The following SLC1A5 variants were observed in gnomAD, a reference collection of about 807,000 sequenced individuals.
The protein encoded by SLC1A5 is solute carrier family 1 member 5.
A neutral mutation model predicts 34.9 loss-of-function variants in SLC1A5; 25 were observed. That is an observed-to-expected ratio of 0.72 (90% CI 0.52 to 1.00). The LOEUF (loss-of-function observed/expected upper bound fraction) is 1.00, where lower values mean the gene tolerates loss of function less well. SLC1A5 is among the 50% of genes least tolerant of loss of function. SLC1A5 has a pLI of 0.00. For synonymous variants in SLC1A5, 351 were observed against 341.2 expected (o/e 1.03, Z -0.32); for missense variants, 637 against 740.0 (o/e 0.86, Z 1.61).
rs781464328 is a variant in SLC1A5 at position 46,775,753 on chromosome 19, G to A, written c.1389-6C>T. On this transcript the variant is annotated splice_region_variant and splice_polypyrimidine_tract_variant and intron_variant, in intron 7 of 7. Transcript: ENST00000542575. ...GGACGGTACAGGACCGGTCGCTAAAGGGGTAGAAATGACAGCAAAGTAAGC... is the reference window on the plus strand; with the variant it reads ...GGACGGTACAGGACCGGTCGCTAAAAGGGTAGAAATGACAGCAAAGTAAGC... 5 of 1,610,746 alleles carry A rather than the reference G, an allele frequency of 3.1e-6. No homozygotes were observed. The highest frequency in any genetic ancestry group is 2.2e-5 in the East Asian group (1 of 44,766).
chr19:46,782,346 A>AACCCCCCCCCCCCCCACCCC, intron 4 of SLC1A5, 37 bp downstream of exon 4: 3 of 567,984 alleles, frequency 5.3e-6, no homozygotes, highest in South Asian at 1.8e-5. Flanking sequence ...CGACCCTCCA[A>AACCCCCCCCCCCCCCACCCC]CCCCACCCAC....
In SLC1A5 at chr19:46,775,673, C is replaced by T. The variant is rs1291182407; in HGVS notation, c.1463G>A (p.Arg488His). 25 of 1,614,090 alleles carry T rather than the reference C, an allele frequency of 1.5e-5. No individual in the cohort carries two copies. The highest frequency in any genetic ancestry group is 2.2e-5 in the East Asian group (1 of 44,876). Residue 488 changes from arginine (R) to histidine (H), a missense_variant, in exon 8 of 8, where the codon CGT becomes CAT. By Grantham distance (29) the Arg-to-His change is conservative (BLOSUM62 0). Transcript: ENST00000542575. ...AGGCTCTGTGCTTCTCGACTCCGTA[C>T]GGTCCACGTAATTTTGGAGGAGTCC... ...GAGLLQNYVD[R>H]TESRSTEPEL...
At chr19:46,782,342 T>TCCCACCCCCCCCCCCCCCCCCCCCC in intron 4 of SLC1A5, 41 bp downstream of exon 4, 44 of 523,348 alleles carry the variant, frequency 8.4e-5, no homozygotes, top group Middle Eastern at 5.6e-4. Context: ...AGACCGACCC[T>TCCCACCCCCCCCCCCCCCCCCCCCC]CCAACCCCAC....
At chr19:46,776,943 G>A (rs760621548) in intron 7 of SLC1A5, 32 bp downstream of exon 7, 57 of 1,604,390 alleles carry the variant, frequency 3.6e-5, no homozygotes, top group Non-Finnish European at 4.6e-5. Context: ...GGGTACCCCT[G>A]GCCCTGCCCC....
intron 4 of SLC1A5, among the ~76,000 whole-genome samples, chr19:46,779,857 CTT>C (rs375206839): frequency 9.1e-5 from 13 of 143,320 alleles, no homozygotes; most frequent in Admixed American, 1.4e-4. Flanking sequence ...ACATGTCTCT[CTT>C]TTTTTTTTTT....
At position 46,784,505 on chromosome 19, in the gene SLC1A5, C is replaced by G. The variant is rs1484509181; in HGVS notation, c.609+12G>C. 1 of 1,614,080 alleles carries G rather than the reference C, an allele frequency of 6.2e-7. No homozygotes were observed. The highest frequency in any genetic ancestry group is 8.5e-7 in the Non-Finnish European group (1 of 1,179,992). ...CCACCCCCATCCCCTCAGGACACCC[C>G]TGAGGACTCACTGAGCGAAAGGCTG... is the stretch of plus-strand genomic sequence containing the variant. On this transcript the variant is annotated intron_variant, in intron 2 of 7. Coordinates refer to ENST00000542575, the MANE Select transcript of SLC1A5 (RefSeq NM_005628.3).
At chr19:46,782,345 A>ACCCCCCCC in intron 4 of SLC1A5, 38 bp downstream of exon 4, 4 of 292,422 alleles carry the variant, frequency 1.4e-5, no homozygotes, top group East Asian at 7.3e-5. Flanking sequence ...CCGACCCTCC[A>ACCCCCCCC]ACCCCACCCA....
chr19:46,777,443 T>C (rs1265089430), intron 5 of SLC1A5, 38 bp from the exon 6 acceptor site: 3 of 1,552,330 alleles, frequency 1.9e-6, no homozygotes, highest in Non-Finnish European at 2.6e-6. Context: ...GTTAACCTGC[T>C]GACCGGGGCT....
intron 1 of SLC1A5, among the ~76,000 whole-genome samples, chr19:46,785,443 T>C (rs1437705329): frequency 2.6e-5 from 4 of 152,224 alleles, no homozygotes; most frequent in Admixed American, 6.5e-5. Flanking sequence ...CATTTTGGCC[T>C]GTGCTTGACA....
At chr19:46,784,324 G>A (rs967910117) in intron 2 of SLC1A5, among the ~76,000 whole-genome samples, 180 bp from the exon 3 acceptor site, 5 of 152,102 alleles carry the variant, frequency 3.3e-5, no homozygotes, top group African/African-American at 9.7e-5. Flanking sequence ...GTGGAAAACC[G>A]AGGCTCAGAG....
In SLC1A5 at chr19:46,782,482, C is replaced by T; in HGVS notation, c.725G>A (p.Gly242Asp). 7.4e-6 allele frequency: 12 copies of T among 1,614,098 alleles called. No homozygotes were observed. The highest frequency in any genetic ancestry group is 1.1e-5 in the South Asian group (1 of 91,078). Residue 242 changes from glycine (G) to aspartate (D), a missense_variant, in exon 4 of 8, where the codon GGT becomes GAT. Physicochemically the swap from Gly to Asp is moderately conservative, Grantham distance 94. Transcript: ENST00000542575. ...LGLVVFAIVF[G>D]VALRKLGPEG... ...AGGCCCCAGCTTCCGCAGCGCCACA[C>T]CAAAGACGATGGCAAACACTACCAA...
At chr19:46,776,049 A>G (rs538918741) in intron 7 of SLC1A5, among the ~76,000 whole-genome samples, 1 of 151,906 alleles carries the variant, frequency 6.6e-6, no homozygotes, top group Admixed American at 6.6e-5. Flanking sequence ...TCACATCACT[A>G]CACTCCAGCC....
chr19:46,776,993 AG>A lies in SLC1A5; in HGVS notation c.1369del (p.Leu457TrpfsTer6). The A allele has an allele frequency of 6.2e-7, 1 of 1,613,864 alleles. No individual in the cohort carries two copies. Among genetic ancestry groups the A allele is most frequent in the Non-Finnish European group, 8.5e-7 (1 of 1,179,952 alleles). ...CACTCACACTAGCCAGTCCACAGCC[AG>A]GATCAAGGAGATATGGTCGACCGGG... is the stretch of plus-strand genomic sequence containing the variant. ...NLPVDHISLI[L>X]AVDWLVDRSC... On this transcript the variant is annotated frameshift_variant, in exon 7 of 8. Coordinates refer to ENST00000542575, the MANE Select transcript of SLC1A5 (RefSeq NM_005628.3). LOFTEE classifies it low-confidence loss of function (END_TRUNC).
At position 46,787,912 on chromosome 19, in the gene SLC1A5, G is replaced by C. The variant is rs1436346522; in HGVS notation, c.54C>G (p.Thr18=). The C allele has an allele frequency of 6.3e-7, 1 of 1,574,854 alleles. No individual in the cohort carries two copies. Among genetic ancestry groups the C allele is most frequent in the Non-Finnish European group, 8.6e-7 (1 of 1,161,940 alleles). ...DSKGLAAAEP[T]ANGGLALASI... Reference sequence around the variant, plus strand: ...AGGCCAGCGCCAGGCCCCCGTTGGCGGTGGGCTCCGCCGCTGCGAGCCCCT... The same window carrying C: ...AGGCCAGCGCCAGGCCCCCGTTGGCCGTGGGCTCCGCCGCTGCGAGCCCCT... The change falls in exon 1 of 8, where the codon ACC becomes ACG. Residue 18 remains threonine, a synonymous_variant. Coordinates refer to ENST00000542575, the MANE Select transcript of SLC1A5 (RefSeq NM_005628.3). The surrounding 1 kb of genome is among the most constrained non-coding windows in gnomAD (Gnocchi z 5.2).
chr19:46,782,346 A>ACCCCCCCCCCCCCCCCCCCCCCACCC, intron 4 of SLC1A5, 37 bp downstream of exon 4: 2 of 567,984 alleles, frequency 3.5e-6, no homozygotes, highest in Non-Finnish European at 6.5e-6. Context: ...CGACCCTCCA[A>ACCCCCCCCCCCCCCCCCCCCCCACCC]CCCCACCCAC....
chr19:46,782,469 C>T lies in SLC1A5; in HGVS notation c.738G>A (p.Arg246=). The T allele has an allele frequency of 6.2e-7, 1 of 1,614,000 alleles. No homozygotes were observed. Among genetic ancestry groups the T allele is most frequent in the Non-Finnish European group, 8.5e-7 (1 of 1,180,006 alleles). ...GCAGCTCCCCTTCAGGCCCCAGCTTCCGCAGCGCCACACCAAAGACGATGG... is the reference window on the plus strand; with the variant it reads ...GCAGCTCCCCTTCAGGCCCCAGCTTTCGCAGCGCCACACCAAAGACGATGG... The part of the protein sequence containing the change: ...VFAIVFGVAL[R]KLGPEGELLI... Residue 246 remains arginine, a synonymous_variant, in exon 4 of 8, where the codon CGG becomes CGA. Coordinates refer to ENST00000542575, the MANE Select transcript of SLC1A5 (RefSeq NM_005628.3).
chr19:46,779,669 A>G (rs994817311), intron 4 of SLC1A5, among the ~76,000 whole-genome samples: 1 of 152,142 alleles, frequency 6.6e-6, no homozygotes, highest in Non-Finnish European at 1.5e-5. Flanking sequence ...AGGTGAAAGC[A>G]GGAGGATTAC....
rs760563693 is a variant in SLC1A5 at position 46,782,541 on chromosome 19, C to G, written c.666G>C (p.Val222=). 1 of 1,614,028 alleles carries G rather than the reference C, an allele frequency of 6.2e-7. No homozygotes were observed. Among genetic ancestry groups the G allele is most frequent in the Non-Finnish European group, 8.5e-7 (1 of 1,180,008 alleles). ...TGTTCATCCCCTCCACCTCCTGCCC[C>G]ACGGGCACCTGTGGGCAAGGAACAG... ...NITGTRVKVP[V]GQEVEGMNIL... The change falls in exon 4 of 8, where the codon GTG becomes GTC. Residue 222 remains valine (V), a synonymous_variant. Transcript: ENST00000542575.
intron 3 of SLC1A5, 22 bp from the exon 4 acceptor site, chr19:46,782,571 G>A (rs753332537): frequency 6.2e-7 from 1 of 1,613,178 alleles, no homozygotes; most frequent in Non-Finnish European, 8.5e-7. Context: ...GAACAGATCG[G>A]GGTGGAAAGG....
Sources: allele counts gnomAD v4.1 joint callset (sites outside exome capture counted in the v4.1 genomes callset), GRCh38; gene constraint gnomAD v4.1.1; non-coding constraint Gnocchi (gnomAD v3.1); transcripts MANE v1.5; gene names NCBI Gene and HGNC (gene_info 2026-07-23, HGNC 2026-07-21).